PTPRO: variants seen among roughly 807,000 people sequenced by gnomAD.
PTPRO encodes the protein receptor-type tyrosine-protein phosphatase O.
A neutral mutation model predicts 145.2 loss-of-function variants in PTPRO; 62 were observed. The observed-to-expected ratio is 0.43, with a 90% CI of 0.35 to 0.53. The LOEUF (loss-of-function observed/expected upper bound fraction) is 0.53. PTPRO is among the 20% of genes least tolerant of loss of function. The pLI, the probability that PTPRO is intolerant of heterozygous loss-of-function variation, is 0.01. For synonymous variants in PTPRO, 565 were observed against 514.7 expected, an observed-to-expected ratio of 1.10 and a Z score of -1.32; for missense variants, 1,345 against 1,482.7, an observed-to-expected ratio of 0.91 and a Z score of 1.53.
chr12:15,424,638 G>A (rs897959238), intron 1 of PTPRO, among the ~76,000 whole-genome samples: 2 of 151,972 alleles, frequency 1.3e-5, no homozygotes, highest in African/African-American at 4.8e-5. Context: ...GTGCATGAAA[G>A]AGGGTCACCT....
intron 1 of PTPRO, among the ~76,000 whole-genome samples, chr12:15,353,210 A>G (rs1336277917): frequency 1.3e-5 from 2 of 152,132 alleles, no homozygotes. Flanking sequence ...CTACCCACTC[A>G]TCTACCCCAC....
intron 6 of PTPRO, among the ~76,000 whole-genome samples, chr12:15,507,058 C>T (rs1178161419): frequency 6.6e-6 from 1 of 152,110 alleles, no homozygotes; most frequent in Non-Finnish European, 1.5e-5. Flanking sequence ...CTATCTCTAC[C>T]TCAGTTTTCA....
intron 1 of PTPRO, chr12:15,348,706 G>C (rs936421205): frequency 6.6e-6 from 1 of 151,734 alleles, no homozygotes; most frequent in African/African-American, 2.4e-5. Flanking sequence ...AGAATGACGT[G>C]AACCCCGGGG....
At chr12:15,349,538 G>A (rs1937721517) in intron 1 of PTPRO, among the ~76,000 whole-genome samples, 1 of 152,170 alleles carries the variant, frequency 6.6e-6, no homozygotes, top group Non-Finnish European at 1.5e-5. Context: ...TTGGAACTTG[G>A]CTATGTGTCA....
At chr12:15,346,089 C>T (rs1227468598) in intron 1 of PTPRO, among the ~76,000 whole-genome samples, 1 of 152,122 alleles carries the variant, frequency 6.6e-6, no homozygotes, top group Non-Finnish European at 1.5e-5. Context: ...ATTTTAGCTT[C>T]CAAGTTATTT....
chr12:15,594,962 G>C lies in PTPRO; in HGVS notation c.3572G>C (p.Cys1191Ser), dbSNP rs551814190. ...TEEQYIFIHQ[C>S]VQLMWMKKKQ... ...GAGCAGTACATTTTTATCCATCAGTGTGTGCAACTGATGTGGATGAAGAAG... is the reference window on the plus strand; with the variant it reads ...GAGCAGTACATTTTTATCCATCAGTCTGTGCAACTGATGTGGATGAAGAAG... The change falls in exon 26 of 27, where the codon TGT becomes TCT. Residue 1191 changes from cysteine (C) to serine (S), a missense_variant. Cys to Ser is a moderately radical substitution (Grantham distance 112, BLOSUM62 -1). This residue lies in a region of PTPRO where 208 missense variants were observed against 242.8 expected (regional missense o/e 0.86). Transcript: ENST00000281171. 3 of 1,613,426 alleles carry C rather than the reference G, an allele frequency of 1.9e-6. No individual in the cohort carries two copies. In the African/African-American group the frequency reaches 4.0e-5, roughly 22 times the overall value.
At chr12:15,506,822 A>G (rs1477254634) in intron 6 of PTPRO, among the ~76,000 whole-genome samples, 1 of 152,202 alleles carries the variant, frequency 6.6e-6, no homozygotes, top group Admixed American at 6.5e-5. Context: ...CTTCAATTCT[A>G]AAATTCCATG....
At chr12:15,497,435 T>A in intron 3 of PTPRO, 32 bp downstream of exon 3, 3 of 1,603,876 alleles carry the variant, frequency 1.9e-6, no homozygotes, top group Non-Finnish European at 2.6e-6. Flanking sequence ...GAATCAATGA[T>A]GACCCTCACT....
chr12:15,451,000 T>C (rs1303652275), intron 1 of PTPRO, among the ~76,000 whole-genome samples: 1 of 152,094 alleles, frequency 6.6e-6, no homozygotes, highest in Non-Finnish European at 1.5e-5. Context: ...TAACATTGAA[T>C]GTAAACAGCC....
At chr12:15,517,247 G>A (rs987881132) in intron 9 of PTPRO, among the ~76,000 whole-genome samples, 24 of 152,254 alleles carry the variant, frequency 1.6e-4, no homozygotes, top group Admixed American at 7.9e-4. Flanking sequence ...AGCAAAGAGA[G>A]CTTGTGTAGG....
chr12:15,590,562 TGGC>T (rs771444405), intron 25 of PTPRO, among the ~76,000 whole-genome samples: 7 of 152,228 alleles, frequency 4.6e-5, no homozygotes, highest in Non-Finnish European at 1.0e-4. Context: ...CCTAGAGTAA[TGGC>T]GGCCGTCTCA....
rs531499515 is a variant in PTPRO, at chr12:15,380,310, A to G, written c.75+57509A>G. On this transcript the variant is annotated intron_variant, in intron 1 of 26. Coordinates refer to ENST00000281171, the MANE Select transcript of PTPRO (RefSeq NM_030667.3). ...AATAGTCAGGGACAATTCTTAAATT[A>G]CGAATAGGGAATTCAATAAATACAA... Among the ~76,000 whole-genome samples the G allele has an allele frequency of 7.2e-5, 11 of 152,270 alleles. No homozygotes were observed. In the South Asian group the frequency reaches 1.0e-3, roughly 14 times the overall value.
At chr12:15,506,290 T>C (rs1942319866) in intron 6 of PTPRO, among the ~76,000 whole-genome samples, 1 of 152,166 alleles carries the variant, frequency 6.6e-6, no homozygotes, top group African/African-American at 2.4e-5. Context: ...TGAGGTAAAT[T>C]AATCAGATTT....
intron 12 of PTPRO, 147 bp from the exon 13 acceptor site, chr12:15,546,422 G>A: frequency 6.8e-7 from 1 of 1,460,016 alleles, no homozygotes; most frequent in African/African-American, 1.4e-5. Flanking sequence ...CTTTATGAAA[G>A]GACATATTTC....
chr12:15,524,899 C>T lies in PTPRO; in HGVS notation c.1977C>T (p.Asp659=). ...ISWTYGDDTT[D]LSHSRMLHWM... ...GGACATATGGGGATGATACAACGGA[C>T]TTGTCCCATTCTAGAATGCTTCACT... The change falls in exon 11 of 27, where the codon GAC becomes GAT. Residue 659 remains aspartate (D), a synonymous_variant. Coordinates refer to ENST00000281171, the MANE Select transcript of PTPRO (RefSeq NM_030667.3). 1.9e-6 allele frequency: 3 copies of T among 1,613,766 alleles called. No homozygotes were observed. Among genetic ancestry groups the T allele is most frequent in the Non-Finnish European group, 2.5e-6 (3 of 1,179,736 alleles).
Position 15,522,086 on chromosome 12 carries a change from T to C in PTPRO, c.1891+1774T>C, listed in dbSNP as rs542731102. The stretch of plus-strand genomic sequence containing the variant: ...GAGATGGTCTCAATTTTCACATCTA[T>C]AAAATGGGTATAATAATAATAAATA... On this transcript the variant is annotated intron_variant, in intron 10 of 26. Coordinates refer to ENST00000281171, the MANE Select transcript of PTPRO (RefSeq NM_030667.3). Among the ~76,000 whole-genome samples the C allele has an allele frequency of 2.0e-5, 3 of 152,318 alleles. No individual in the cohort carries two copies. In the East Asian group the frequency reaches 5.8e-4, roughly 29 times the overall value.
chr12:15,579,557 A>G (rs576705070), intron 20 of PTPRO, among the ~76,000 whole-genome samples: 1 of 152,372 alleles, frequency 6.6e-6, no homozygotes, highest in African/African-American at 2.4e-5. Flanking sequence ...GAAATTAGAT[A>G]TATTATCATA....
chr12:15,445,680 T>C (rs1464218047), intron 1 of PTPRO, among the ~76,000 whole-genome samples: 1 of 150,668 alleles, frequency 6.6e-6, no homozygotes, highest in Non-Finnish European at 1.5e-5. Flanking sequence ...TACTTTTATT[T>C]ATTTTATAAA....
intron 23 of PTPRO, among the ~76,000 whole-genome samples, chr12:15,586,602 C>G (rs1380559006): frequency 1.3e-5 from 2 of 152,208 alleles, no homozygotes; most frequent in Non-Finnish European, 2.9e-5. Flanking sequence ...TTAGCCAAAA[C>G]TGATGCAGCT....
Sources: gnomAD v4.1 joint callset for allele counts (sites outside exome capture counted in the v4.1 genomes callset) on GRCh38, gnomAD v4.1.1 for gene constraint, gnomAD v4.1.1 regional missense constraint, MANE v1.5 for transcripts, NCBI Gene and HGNC (gene_info 2026-07-23, HGNC 2026-07-21) for gene names.